Variants in KIF2A observed in about 807,000 individuals in gnomAD.
KIF2A encodes kinesin-like protein KIF2A.
In KIF2A, 22 loss-of-function variants were observed where a neutral mutation model predicts 100.2. That is an observed-to-expected ratio of 0.22 (90% CI 0.16 to 0.31). The LOEUF is 0.31. KIF2A is among the 10% of genes least tolerant of loss of function. The pLI is 1.00. For synonymous variants in KIF2A, 268 were observed against 285.9 expected, an observed-to-expected ratio of 0.94 and a Z score of 0.63; for missense variants, 495 against 898.7, an observed-to-expected ratio of 0.55 and a Z score of 5.74.
intron 16 of KIF2A, 125 bp downstream of exon 16, chr5:62,366,606 C>T (rs563688536): frequency 2.1e-5 from 12 of 559,962 alleles, no homozygotes; most frequent in African/African-American, 1.8e-4. Context: ...CCCAGGCGGG[C>T]GGATCACAAG....
chr5:62,344,485 T>C (rs1206796262), intron 1 of KIF2A, among the ~76,000 whole-genome samples: 1 of 152,108 alleles, frequency 6.6e-6, no homozygotes, highest in Non-Finnish European at 1.5e-5. Flanking sequence ...ACACATGAGA[T>C]GATAAAAGTG....
At chr5:62,362,682 T>G (rs894183171) in intron 12 of KIF2A, 141 bp downstream of exon 12, 2 of 374,434 alleles carry the variant, frequency 5.3e-6, no homozygotes, top group Non-Finnish European at 9.6e-6. Flanking sequence ...TTATGTGTAT[T>G]TAGAACTTTT....
intron 1 of KIF2A, among the ~76,000 whole-genome samples, chr5:62,314,572 G>A (rs909928095): frequency 1.3e-5 from 2 of 151,994 alleles, no homozygotes; most frequent in Non-Finnish European, 2.9e-5. Context: ...ATTATGGCCC[G>A]GGAACTGTAA....
chr5:62,344,565 A>G (rs879737813), intron 1 of KIF2A, among the ~76,000 whole-genome samples: 1 of 152,200 alleles, frequency 6.6e-6, no homozygotes, highest in Admixed American at 6.5e-5. Flanking sequence ...GAGAATGTAT[A>G]CAAAGGGCGG....
At chr5:62,375,811 AGCCAG>A (rs1741516911) in intron 18 of KIF2A, among the ~76,000 whole-genome samples, 1 of 152,230 alleles carries the variant, frequency 6.6e-6, no homozygotes, top group Admixed American at 6.5e-5. Context: ...TAGTGGGTAG[AGCCAG>A]GAATGCTGCT....
intron 1 of KIF2A, among the ~76,000 whole-genome samples, chr5:62,324,976 C>T (rs956976129): frequency 6.6e-6 from 1 of 152,126 alleles, no homozygotes; most frequent in African/African-American, 2.4e-5. Context: ...TTTCCAGAAT[C>T]TATAAGAAAC....
intron 1 of KIF2A, among the ~76,000 whole-genome samples, chr5:62,337,104 T>C (rs1746996350): frequency 6.6e-6 from 1 of 152,236 alleles, no homozygotes; most frequent in Admixed American, 6.5e-5. Flanking sequence ...AACAAGTGCC[T>C]ACCAAATACT....
intron 7 of KIF2A, among the ~76,000 whole-genome samples, chr5:62,355,675 A>G (rs1208520940): frequency 1.3e-5 from 2 of 152,190 alleles, no homozygotes; most frequent in African/African-American, 4.8e-5. Flanking sequence ...TCTGGCTTTT[A>G]ACAATAAGTG....
chr5:62,356,090 C>T (rs990672844), intron 7 of KIF2A, among the ~76,000 whole-genome samples: 13 of 152,144 alleles, frequency 8.5e-5, no homozygotes, highest in African/African-American at 2.2e-4. Context: ...TGAGCCACCA[C>T]GCCCAGCCGG....
At position 62,363,237 on chromosome 5, in the gene KIF2A, G is replaced by T; in HGVS notation, c.1179G>T (p.Gln393His). The T allele has an allele frequency of 6.2e-7, 1 of 1,613,252 alleles. No individual in the cohort carries two copies. Among genetic ancestry groups the T allele is most frequent in the Non-Finnish European group, 8.5e-7 (1 of 1,179,418 alleles). ...KLRVLEDGKQ[Q>H]VQVVGLQERE... is the part of the protein sequence containing the mutation. ...GAGTTCTAGAAGATGGAAAACAGCAGGTTCAAGTGGTGGGATTACAGGAAC... is the reference window on the plus strand; with the variant it reads ...GAGTTCTAGAAGATGGAAAACAGCATGTTCAAGTGGTGGGATTACAGGAAC... The change falls in exon 13 of 21, where the codon CAG becomes CAT. Residue 393 changes from glutamine (Q) to histidine (H), a missense_variant. Transcript: ENST00000407818.
At chr5:62,361,575 T>G (rs772803718) in intron 11 of KIF2A, 46 bp downstream of exon 11, 1 of 1,071,584 alleles carries the variant, frequency 9.3e-7, no homozygotes, top group Admixed American at 1.9e-5. Flanking sequence ...TTCTGTGGTA[T>G]TATTCAGGTA....
intron 1 of KIF2A, among the ~76,000 whole-genome samples, chr5:62,327,701 C>G (rs1463363807): frequency 6.6e-6 from 1 of 152,120 alleles, no homozygotes; most frequent in Non-Finnish European, 1.5e-5. Context: ...ACATTTTACC[C>G]TAGTGGTAAA....
chr5:62,339,600 A>G lies in KIF2A; in HGVS notation c.65-7530A>G, dbSNP rs548955763. Among the ~76,000 whole-genome samples, 13 of 148,640 alleles carry G rather than the reference A, an allele frequency of 8.7e-5. No individual in the cohort carries two copies. In the South Asian group the frequency reaches 2.8e-3, roughly 32 times the overall value. ...CCAGTACACATATGTAAGAATGTCC[A>G]TAGCATCATTGTTCCTAATAGCAGA... On this transcript the variant is annotated intron_variant, in intron 1 of 20. Transcript: ENST00000407818.
intron 1 of KIF2A, among the ~76,000 whole-genome samples, chr5:62,342,666 C>G (rs1388455189): frequency 6.6e-6 from 1 of 152,196 alleles, no homozygotes; most frequent in African/African-American, 2.4e-5. Flanking sequence ...GAGGCTTTCT[C>G]TGCTCAGTCC....
Position 62,306,391 on chromosome 5 carries a change from C to T in KIF2A, c.-82C>T, listed in dbSNP as rs1212249375. On this transcript the variant is annotated 5_prime_UTR_variant, in exon 1 of 21. Transcript: ENST00000407818. Reference sequence around the variant, plus strand: ...GGCCGCGGGCAACCGCTCCCCCTCCCACACCTACCCCGCCCCCTCCCCGCC... The same window carrying T: ...GGCCGCGGGCAACCGCTCCCCCTCCTACACCTACCCCGCCCCCTCCCCGCC... 5.6e-6 allele frequency: 5 copies of T among 889,686 alleles called. 1 individual carries two copies. Among genetic ancestry groups the T allele is most frequent in the Non-Finnish European group, 8.7e-6 (5 of 576,334 alleles). The allele number at this position is 889,686 out of a possible 1,614,324, so 55.1% of individuals were successfully genotyped here. A position where few individuals can be genotyped will look rare whatever the true frequency, so the allele number is the denominator to read the frequency against.
At chr5:62,315,071 G>A (rs1293156151) in intron 1 of KIF2A, among the ~76,000 whole-genome samples, 5 of 151,834 alleles carry the variant, frequency 3.3e-5, no homozygotes, top group Non-Finnish European at 7.4e-5. Context: ...CCTTATGCCC[G>A]CATTTTGACC....
intron 17 of KIF2A, 69 bp from the exon 18 acceptor site, chr5:62,373,618 A>AT (rs1741412501): frequency 1.8e-6 from 2 of 1,115,612 alleles, no homozygotes. Context: ...TGTATATTGA[A>AT]TAGGCTGGTA....
Position 62,363,277 on chromosome 5 carries a change from G to T in KIF2A, c.1219G>T (p.Val407Phe), listed in dbSNP as rs1740896532. 1 of 1,613,636 alleles carries T rather than the reference G, an allele frequency of 6.2e-7. No homozygotes were observed. ...VGLQEREVKC[V>F]EDVLKLIDIG... Reference sequence around the variant, plus strand: ...ATTACAGGAACGGGAGGTCAAATGTGTTGAAGATGTACTGAAACTCATTGA... The same window carrying T: ...ATTACAGGAACGGGAGGTCAAATGTTTTGAAGATGTACTGAAACTCATTGA... The change falls in exon 13 of 21, where the codon GTT (valine) becomes TTT (phenylalanine). Residue 407 changes from valine (V) to phenylalanine (F), a missense_variant. This residue lies in a region of KIF2A where 38 missense variants were observed against 99.5 expected (regional missense o/e 0.38). Coordinates refer to ENST00000407818, the MANE Select transcript of KIF2A (RefSeq NM_001098511.3).
intron 18 of KIF2A, among the ~76,000 whole-genome samples, chr5:62,375,834 A>T (rs1429613004): frequency 6.6e-6 from 1 of 152,230 alleles, no homozygotes; most frequent in Non-Finnish European, 1.5e-5. Flanking sequence ...GCTGAACATC[A>T]TACAGTGCAC....
Sources: allele counts gnomAD v4.1 joint callset (sites outside exome capture counted in the v4.1 genomes callset), GRCh38; gene constraint gnomAD v4.1.1; regional missense constraint gnomAD v4.1.1; transcripts MANE v1.5; gene names NCBI Gene and HGNC (gene_info 2026-07-23, HGNC 2026-07-21).